Variants in SHANK2 observed in about 807,000 individuals in gnomAD.
SHANK2 encodes SH3 and multiple ankyrin repeat domains 2.
Under a neutral mutation model 133.7 loss-of-function variants are expected in SHANK2, and 43 were observed. That is an observed-to-expected ratio of 0.32 (90% CI 0.25 to 0.41). The LOEUF is 0.41. Ranked by LOEUF, SHANK2 falls within the 10% of genes least tolerant of loss-of-function variation. The pLI, the probability that SHANK2 is intolerant of heterozygous loss-of-function variation, is 1.00. For missense variants in SHANK2, 1,994 were observed against 2,235.8 expected, an observed-to-expected ratio of 0.89 and a Z score of 2.18; for synonymous variants, 1,017 against 952.8, an observed-to-expected ratio of 1.07 and a Z score of -1.24.
chr11:70,893,177 T>C (rs909069270), intron 11 of SHANK2, among the ~76,000 whole-genome samples: 1 of 152,234 alleles, frequency 6.6e-6, no homozygotes, highest in Admixed American at 6.5e-5. Flanking sequence ...ACTTGGTAAG[T>C]GCTAACTGTT....
At chr11:70,705,410 T>C (rs1364046826) in intron 14 of SHANK2, 1 of 152,062 alleles carries the variant, frequency 6.6e-6, no homozygotes, top group Non-Finnish European at 1.5e-5. Context: ...TCCTAGCAAG[T>C]ATAGGAGGGA....
intron 4 of SHANK2, among the ~76,000 whole-genome samples, chr11:71,113,847 C>A (rs1309206699): frequency 1.3e-5 from 2 of 152,232 alleles, no homozygotes; most frequent in Non-Finnish European, 2.9e-5. Context: ...GCAACCTCTG[C>A]CCAGATCGCT....
intron 17 of SHANK2, among the ~76,000 whole-genome samples, chr11:70,630,143 G>A (rs2060963341): frequency 6.6e-6 from 1 of 152,222 alleles, no homozygotes; most frequent in Non-Finnish European, 1.5e-5. Flanking sequence ...TTCCCTGATG[G>A]CAGTGGGGTG....
intron 17 of SHANK2, chr11:70,647,580 T>C (rs371833653): frequency 1.3e-5 from 2 of 152,368 alleles, no homozygotes; most frequent in East Asian, 1.9e-4. Flanking sequence ...AGTGAGTTCA[T>C]GTGTGTGAAC....
chr11:70,850,794 C>G (rs1378371399), intron 11 of SHANK2, among the ~76,000 whole-genome samples: 1 of 152,190 alleles, frequency 6.6e-6, no homozygotes. Flanking sequence ...AAGGCAGCTC[C>G]TGATCTCAGC....
intron 11 of SHANK2, among the ~76,000 whole-genome samples, chr11:70,867,498 C>T (rs570522099): frequency 2.0e-4 from 30 of 152,340 alleles, no homozygotes; most frequent in African/African-American, 7.0e-4. Context: ...AGGGGTGGGG[C>T]AGGACGGGCC....
intron 17 of SHANK2, among the ~76,000 whole-genome samples, chr11:70,607,378 T>C (rs1356902572): frequency 6.6e-6 from 1 of 152,168 alleles, no homozygotes; most frequent in Non-Finnish European, 1.5e-5. Context: ...CCTATGTGCC[T>C]GCCCCACACC....
At chr11:71,138,231 C>T (rs1422506412) in intron 3 of SHANK2, among the ~76,000 whole-genome samples, 2 of 152,118 alleles carry the variant, frequency 1.3e-5, no homozygotes, top group African/African-American at 4.8e-5. Context: ...CTGCACCGGC[C>T]GTCCAGAGCC....
intron 2 of SHANK2, among the ~76,000 whole-genome samples, chr11:71,185,629 G>A (rs1434195900): frequency 2.0e-5 from 3 of 152,154 alleles, no homozygotes; most frequent in East Asian, 3.9e-4. Flanking sequence ...TTCCAGTTCA[G>A]CCACCTGGAT....
chr11:71,239,972 C>G (rs1347084190), intron 1 of SHANK2, among the ~76,000 whole-genome samples: 3 of 152,190 alleles, frequency 2.0e-5, no homozygotes, highest in Non-Finnish European at 4.4e-5. Context: ...TGGGCAAACA[C>G]CAGGCAGTGG....
chr11:70,468,068 T>A lies in SHANK2; in HGVS notation c.*4801A>T, dbSNP rs1325976644. ...CATTAATACATTGAAGATATATTTA[T>A]CCTTTCATGAAAGATACAGCATTTG... On this transcript the variant is annotated 3_prime_UTR_variant, in exon 26 of 26. Coordinates refer to ENST00000601538, the MANE Select transcript of SHANK2 (RefSeq NM_012309.5). The A allele has an allele frequency of 1.3e-5, 2 of 152,642 alleles. No homozygotes were observed. The highest frequency in any genetic ancestry group is 2.9e-5 in the Non-Finnish European group (2 of 68,034). 9.5% of individuals were successfully genotyped at this position (152,642 alleles called of 1,614,324 possible).
intron 17 of SHANK2, among the ~76,000 whole-genome samples, chr11:70,619,170 T>G (rs1464676134): frequency 1.3e-5 from 2 of 152,176 alleles, no homozygotes; most frequent in Non-Finnish European, 2.9e-5. Flanking sequence ...TTGGGTTAGA[T>G]TCTTATTGCT....
intron 2 of SHANK2, among the ~76,000 whole-genome samples, chr11:71,195,591 CAG>C (rs566909359): frequency 2.0e-4 from 30 of 152,212 alleles, no homozygotes; most frequent in South Asian, 1.9e-3. Flanking sequence ...ATACCCGAAA[CAG>C]AGTTTTTTCA....
At chr11:70,641,537 G>A (rs2061182700) in intron 17 of SHANK2, among the ~76,000 whole-genome samples, 2 of 152,124 alleles carry the variant, frequency 1.3e-5, no homozygotes, top group African/African-American at 4.8e-5. Context: ...AGGGAGGAAT[G>A]ACCGCCAGTT....
intron 9 of SHANK2, among the ~76,000 whole-genome samples, chr11:71,067,460 T>C (rs1185229264): frequency 2.0e-5 from 3 of 151,984 alleles, no homozygotes; most frequent in African/African-American, 7.3e-5. Context: ...CAGGATGAGG[T>C]GAGGGGTTGA....
intron 3 of SHANK2, among the ~76,000 whole-genome samples, chr11:71,143,332 A>G (rs782680103): frequency 6.6e-6 from 1 of 152,262 alleles, no homozygotes; most frequent in East Asian, 1.9e-4. Context: ...GCCAATCCTC[A>G]CTATTCATGA....
At chr11:71,145,923 T>C (rs1159692393) in intron 3 of SHANK2, among the ~76,000 whole-genome samples, 3 of 151,818 alleles carry the variant, frequency 2.0e-5, no homozygotes, top group African/African-American at 7.3e-5. Context: ...ATGAGAAGGG[T>C]CCTCCCAGCC....
At chr11:70,677,629 C>T (rs939223685) in intron 15 of SHANK2, among the ~76,000 whole-genome samples, 12 of 152,288 alleles carry the variant, frequency 7.9e-5, no homozygotes, top group East Asian at 1.9e-4. Flanking sequence ...AATATGACCA[C>T]GTCCACTGCT....
At chr11:71,213,424 C>A (rs7116378) in intron 2 of SHANK2, among the ~76,000 whole-genome samples, 4 of 152,204 alleles carry the variant, frequency 2.6e-5, no homozygotes, top group African/African-American at 9.6e-5. Context: ...ATCACAGTTT[C>A]ACTTTACTCT....
Sources: gnomAD v4.1 joint callset for allele counts (sites outside exome capture counted in the v4.1 genomes callset) on GRCh38, gnomAD v4.1.1 for gene constraint, MANE v1.5 for transcripts, NCBI Gene and HGNC (gene_info 2026-07-23, HGNC 2026-07-21) for gene names.